The following TTC6 variants were observed in gnomAD, a reference collection of about 807,000 sequenced individuals.
TTC6 encodes tetratricopeptide repeat protein 6.
A neutral mutation model predicts 210.4 loss-of-function variants in TTC6; 172 were observed. The observed-to-expected ratio is 0.82, with a 90% CI of 0.72 to 0.93. TTC6 has a LOEUF of 0.93. Ranked by LOEUF, TTC6 falls within the 40% of genes least tolerant of loss-of-function variation. TTC6 has a pLI of 0.00. For synonymous variants in TTC6, 804 were observed against 819.6 expected (o/e 0.98, Z 0.32); for missense variants, 2,414 against 2,318.1 (o/e 1.04, Z -0.85).
At chr14:37,831,815 A>G (rs2096186044) in intron 29 of TTC6, among the ~76,000 whole-genome samples, 2 of 151,792 alleles carry the variant, frequency 1.3e-5, no homozygotes, top group Non-Finnish European at 2.9e-5. Context: ...TGAGTTCTTT[A>G]TATATTCTGG....
intron 30 of TTC6, 69 bp downstream of exon 32, chr14:37,841,739 A>G (rs1468569386): frequency 8.2e-7 from 1 of 1,216,872 alleles, no homozygotes; most frequent in Non-Finnish European, 1.2e-6. Context: ...CTACAAAAGA[A>G]GAAAATCATT....
At chr14:37,832,329 C>CTT (rs58133834) in intron 29 of TTC6, among the ~76,000 whole-genome samples, 58 of 68,896 alleles carry the variant, frequency 8.4e-4, no homozygotes, top group African/African-American at 2.7e-3. Context: ...TTCTTTCTCT[C>CTT]TTTTTTTTTT....
intron 5 of TTC6, among the ~76,000 whole-genome samples, chr14:37,711,200 T>A (rs1035369860): frequency 6.6e-6 from 1 of 152,190 alleles, no homozygotes; most frequent in Non-Finnish European, 1.5e-5. Context: ...GAGACTTTTC[T>A]TACTCAGCCA....
Position 37,661,581 on chromosome 14 carries a change from T to G in TTC6, c.940-18570T>G, listed in dbSNP as rs369609242. Among the ~76,000 whole-genome samples the G allele has an allele frequency of 9.8e-5, 15 of 152,306 alleles. No homozygotes were observed. In the East Asian group the frequency reaches 1.7e-3, roughly 18 times the overall value. ...TGTTTTGGTTATTGCAGCCTTATAG[T>G]ATAGTTTGAAGTCTGGTAGCAAGAT... On this transcript the variant is annotated intron_variant, in intron 1 of 30. Transcript: ENST00000553443.
At chr14:37,799,407 C>A (rs1238041699) in intron 20 of TTC6, among the ~76,000 whole-genome samples, 1 of 152,094 alleles carries the variant, frequency 6.6e-6, no homozygotes, top group Non-Finnish European at 1.5e-5. Context: ...CCTCACTTTC[C>A]ACTCATTCTG....
chr14:37,836,255 C>T (rs948444540), intron 29 of TTC6, among the ~76,000 whole-genome samples: 3 of 152,186 alleles, frequency 2.0e-5, no homozygotes, highest in African/African-American at 7.2e-5. Context: ...GTCAGTTTTA[C>T]ATCTATCCTG....
chr14:37,737,855 T>C, intron 9 of TTC6, 121 bp downstream of exon 11: 2 of 513,324 alleles, frequency 3.9e-6, no homozygotes, highest in Non-Finnish European at 6.6e-6. Context: ...TCTAATTACA[T>C]ATTGAGTTTT....
At position 37,671,386 on chromosome 14, in the gene TTC6, T is replaced by C. The variant is rs142423145; in HGVS notation, c.940-8765T>C. On this transcript the variant is annotated intron_variant, in intron 1 of 30. Coordinates refer to ENST00000553443, the Ensembl canonical transcript of TTC6. Reference sequence around the variant, plus strand: ...AGGTCTGCCCTATTCATTGAGGAGGTGACCATTCAGGAGGTGGGAATCATT... The same window carrying C: ...AGGTCTGCCCTATTCATTGAGGAGGCGACCATTCAGGAGGTGGGAATCATT... Among the ~76,000 whole-genome samples the C allele has an allele frequency of 2.6e-3, 402 of 152,212 alleles. 2 individuals are homozygous for C. Among genetic ancestry groups the C allele is most frequent in the Middle Eastern group, 0.014 (4 of 294 alleles).
At chr14:37,654,178 T>C (rs2095717764) in intron 1 of TTC6, among the ~76,000 whole-genome samples, 1 of 152,132 alleles carries the variant, frequency 6.6e-6, no homozygotes, top group East Asian at 1.9e-4. Flanking sequence ...GGGGATGGTT[T>C]TCTCATGAAT....
intron 14 of TTC6, among the ~76,000 whole-genome samples, chr14:37,786,532 C>G (rs1595263659): frequency 6.6e-6 from 1 of 152,318 alleles, no homozygotes; most frequent in East Asian, 1.9e-4. Context: ...GTCATGGCTT[C>G]CCTTGGCTAG....
chr14:37,787,776 T>C (rs1348361893), intron 15 of TTC6, 139 bp downstream of exon 17: 2 of 563,420 alleles, frequency 3.5e-6, no homozygotes, highest in African/African-American at 3.7e-5. Flanking sequence ...TAAGTATATA[T>C]TACATGAGCT....
chr14:37,770,293 G>T (rs1324318168), intron 14 of TTC6, among the ~76,000 whole-genome samples: 1 of 152,142 alleles, frequency 6.6e-6, no homozygotes, highest in Non-Finnish European at 1.5e-5. Context: ...ATTTGGGGTG[G>T]AGAGTTCTGT....
chr14:37,688,603 G>GAGAA (rs2095798111), intron 3 of TTC6, among the ~76,000 whole-genome samples: 1 of 152,148 alleles, frequency 6.6e-6, no homozygotes, highest in Non-Finnish European at 1.5e-5. Context: ...GAGAGAGAGA[G>GAGAA]AGAAAGAGAG....
intron 14 of TTC6, among the ~76,000 whole-genome samples, chr14:37,783,930 G>T (rs1204725605): frequency 1.3e-5 from 2 of 152,180 alleles, no homozygotes; most frequent in Admixed American, 6.5e-5. Flanking sequence ...CTTCCATGTA[G>T]TTGAGCAGTT....
chr14:37,796,431 C>T (rs2096092843), intron 19 of TTC6, 61 bp downstream of exon 21: 4 of 719,592 alleles, frequency 5.6e-6, no homozygotes, highest in Admixed American at 3.1e-5. Flanking sequence ...TGCTATTTTG[C>T]AATAGTTATG....
chr14:37,637,332 T>G (rs1044871054), intron 1 of TTC6, among the ~76,000 whole-genome samples: 2 of 152,234 alleles, frequency 1.3e-5, no homozygotes, highest in African/African-American at 4.8e-5. Flanking sequence ...AAATTAAATT[T>G]TTTTGTTCTA....
chr14:37,596,558 G>C (rs781026864), intron 1 of TTC6, among the ~76,000 whole-genome samples: 1 of 152,230 alleles, frequency 6.6e-6, no homozygotes. Flanking sequence ...TGAAGTGACC[G>C]GGTGATAGGC....
intron 1 of TTC6, among the ~76,000 whole-genome samples, chr14:37,646,113 A>C (rs1403412365): frequency 6.6e-6 from 1 of 152,216 alleles, no homozygotes; most frequent in East Asian, 1.9e-4. Flanking sequence ...ATGAAATAAC[A>C]GTGCAATTGG....
At position 37,719,027 on chromosome 14, in the gene TTC6, A is replaced by G. The variant is rs532523550; in HGVS notation, c.1713+4231A>G. ...AAAGTGACAAGATACAAAAAAAACC[A>G]TGAATAATTCATTATATTTCTGTGT... is the stretch of plus-strand genomic sequence containing the variant. On this transcript the variant is annotated intron_variant, in intron 6 of 30. Coordinates refer to ENST00000553443, the Ensembl canonical transcript of TTC6. 9.1e-4 allele frequency among the ~76,000 whole-genome samples: 138 copies of G among 152,260 alleles called. 1 individual carries two copies. Among genetic ancestry groups the G allele is most frequent in the African/African-American group, 3.2e-3 (134 of 41,550 alleles).
Sources: gnomAD v4.1 joint callset for allele counts (sites outside exome capture counted in the v4.1 genomes callset) on GRCh38, gnomAD v4.1.1 for gene constraint, MANE v1.5 for transcripts, NCBI Gene and HGNC (gene_info 2026-07-23, HGNC 2026-07-21) for gene names.